Variants in PLIN2 observed in about 807,000 individuals in gnomAD.
The protein encoded by PLIN2 is perilipin-2.
In PLIN2, 33 loss-of-function variants were observed where a neutral mutation model predicts 30.6. That is an observed-to-expected ratio of 1.08 (90% CI 0.82 to 1.44). The LOEUF (loss-of-function observed/expected upper bound fraction) is 1.44, where lower values mean the gene tolerates loss of function less well. Ranked by LOEUF, PLIN2 falls within the 40% of genes most tolerant of loss-of-function variation. PLIN2 has a pLI of 0.00. For missense variants in PLIN2, 610 were observed against 531.8 expected (o/e 1.15, Z -1.45); for synonymous variants, 205 against 201.1 (o/e 1.02, Z -0.16).
At chr9:19,115,269 TA>T (rs1430951516), downstream of PLIN2, among the ~76,000 whole-genome samples, 12 of 152,054 alleles carry the variant, frequency 7.9e-5, no homozygotes, top group Non-Finnish European at 1.5e-4. Context: ...TCAAGCATCC[TA>T]TTTTTTTTTA....
At position 19,110,068 on chromosome 9, in the gene PLIN2, G is replaced by T. The variant is rs938970486; in HGVS notation, n.418-1321C>A. On this transcript the variant is annotated intron_variant and non_coding_transcript_variant, in intron 2 of 2. Transcript: ENST00000464326. The stretch of plus-strand genomic sequence containing the variant: ...AGATGGAGTTTCACTCTCTCCCCCA[G>T]GTTGGAGTGCAGTGGCGTAATCTCA... 2.0e-5 allele frequency among the ~76,000 whole-genome samples: 3 copies of T among 152,134 alleles called. No homozygotes were observed. The East Asian group carries it at 5.8e-4, about 29-fold the overall frequency.
chr9:19,125,947 A>C, intron 3 of PLIN2, 167 bp downstream of exon 3: 1 of 560,288 alleles, frequency 1.8e-6, no homozygotes, highest in African/African-American at 1.9e-5. Context: ...AGGAAAGAAA[A>C]GAAAAGAAAC....
chr9:19,113,034 G>C (rs1008735530), downstream of PLIN2, among the ~76,000 whole-genome samples: 5 of 151,958 alleles, frequency 3.3e-5, no homozygotes, highest in East Asian at 7.8e-4. Flanking sequence ...ACACAAAGGT[G>C]TATGTTCAGG....
At chr9:19,119,519 C>A in intron 6 of PLIN2, 131 bp downstream of exon 6, 1 of 596,932 alleles carries the variant, frequency 1.7e-6, no homozygotes, top group East Asian at 2.7e-5. Flanking sequence ...TCTCCATATT[C>A]TTTGTCCAGT....
chr9:19,115,193 G>C (rs1325482502), downstream of PLIN2, among the ~76,000 whole-genome samples: 1 of 152,118 alleles, frequency 6.6e-6, no homozygotes, highest in African/African-American at 2.4e-5. Context: ...CAAACAAAGA[G>C]GGCCAACTGT....
chr9:19,118,788 C>T (rs1042194212), intron 6 of PLIN2, among the ~76,000 whole-genome samples: 3 of 152,192 alleles, frequency 2.0e-5, no homozygotes, highest in South Asian at 2.1e-4. Context: ...TCACAGCTCA[C>T]TGAACCTCCT....
At chr9:19,109,382 G>A (rs1383053973) in intron 2 of PLIN2, among the ~76,000 whole-genome samples, 2 of 151,108 alleles carry the variant, frequency 1.3e-5, no homozygotes, top group Non-Finnish European at 2.9e-5. Context: ...GTGGAACGCT[G>A]TCTCTACTAA....
intron 2 of PLIN2, among the ~76,000 whole-genome samples, chr9:19,109,370 C>T (rs1331264330): frequency 5.3e-5 from 8 of 151,150 alleles, no homozygotes; most frequent in East Asian, 2.0e-4. Flanking sequence ...CTGGCTAACA[C>T]GGTGGAACGC....
chr9:19,121,104 G>C lies in PLIN2; in HGVS notation c.371C>G (p.Thr124Ser), dbSNP rs780606166. Residue 124 changes from threonine to serine, a missense_variant, in exon 5 of 8, where the codon ACT becomes AGT. Coordinates refer to ENST00000276914, the MANE Select transcript of PLIN2 (RefSeq NM_001122.4). Reference sequence around the variant, plus strand: ...GCTGGCCACAGAATCCTTGGCCCCAGTCACAGTAGTCGTCACAGCATCTTT... The same window carrying C: ...GCTGGCCACAGAATCCTTGGCCCCACTCACAGTAGTCGTCACAGCATCTTT... The part of the protein sequence containing the change: ...GAKDAVTTTV[T>S]GAKDSVASTI... 1.2e-6 allele frequency: 2 copies of C among 1,614,156 alleles called. No individual in the cohort carries two copies. Among genetic ancestry groups the C allele is most frequent in the Non-Finnish European group, 1.7e-6 (2 of 1,180,010 alleles).
chr9:19,122,926 T>C (rs1000303662), intron 4 of PLIN2, among the ~76,000 whole-genome samples: 1 of 152,198 alleles, frequency 6.6e-6, no homozygotes, highest in East Asian at 1.9e-4. Flanking sequence ...CCATCTAGGT[T>C]GGTGTGAGTA....
intron 3 of PLIN2, 25 bp from the exon 4 acceptor site, chr9:19,123,672 T>G: frequency 6.3e-7 from 1 of 1,579,176 alleles, no homozygotes. Flanking sequence ...GGGAAAATGT[T>G]AATGTAGTAC....
downstream of PLIN2, among the ~76,000 whole-genome samples, chr9:19,112,301 C>T (rs1001367557): frequency 2.0e-5 from 3 of 152,184 alleles, no homozygotes; most frequent in African/African-American, 7.2e-5. Flanking sequence ...GCCATGGTTA[C>T]ATACTATGTT....
downstream of PLIN2, among the ~76,000 whole-genome samples, chr9:19,115,361 G>A (rs924354617): frequency 4.7e-5 from 7 of 148,238 alleles, no homozygotes; most frequent in South Asian, 8.5e-4. Flanking sequence ...AGGCCAGAGC[G>A]CAGTGGCGCT....
Position 19,126,236 on chromosome 9 carries a change from C to G in PLIN2, c.104G>C (p.Ser35Thr). The G allele has an allele frequency of 1.9e-6, 3 of 1,614,094 alleles. No individual in the cohort carries two copies. Among genetic ancestry groups the G allele is most frequent in the Non-Finnish European group, 1.7e-6 (2 of 1,179,992 alleles). Residue 35 changes from serine to threonine, a missense_variant, in exon 3 of 8, where the codon AGT becomes ACT. Transcript: ENST00000276914. ...CAGGTAGGGATACTGGTCCTTTGTA[C>G]TGAGATAGGCTGAGGACATGAGGTC... is the stretch of plus-strand genomic sequence containing the variant. Reference protein sequence around the residue: ...TYDLMSSAYLSTKDQYPYLKS... With the variant: ...TYDLMSSAYLTTKDQYPYLKS...
chr9:19,113,811 G>A (rs961800729), downstream of PLIN2, among the ~76,000 whole-genome samples: 4 of 145,932 alleles, frequency 2.7e-5, no homozygotes, highest in Admixed American at 2.8e-4. Context: ...TCGCCCTGTC[G>A]CTGGACAGGC....
chr9:19,120,164 T>A (rs1818292406), intron 5 of PLIN2, among the ~76,000 whole-genome samples: 1 of 151,894 alleles, frequency 6.6e-6, no homozygotes, highest in African/African-American at 2.4e-5. Flanking sequence ...GCTCAACTGA[T>A]CCTCTCACCT....
In PLIN2 at chr9:19,126,300, T is replaced by A. The variant is rs752904982; in HGVS notation, c.40A>T (p.Thr14Ser). ...ACCAAGGGCAGGTTGACCACCCGAG[T>A]CACCACACTCTGCAATCAAAGTAGG... is the stretch of plus-strand genomic sequence containing the variant. ...VAVDPQPSVVTRVVNLPLVSS... is the reference protein window; with the variant it reads ...VAVDPQPSVVSRVVNLPLVSS... Residue 14 changes from threonine (T) to serine (S), a missense_variant, in exon 3 of 8, where the codon ACT (threonine) becomes TCT (serine). Coordinates refer to ENST00000276914, the MANE Select transcript of PLIN2 (RefSeq NM_001122.4). 6.2e-7 allele frequency: 1 copy of A among 1,613,650 alleles called. No homozygotes were observed. Among genetic ancestry groups the A allele is most frequent in the South Asian group, 1.1e-5 (1 of 91,054 alleles).
intron 2 of PLIN2, among the ~76,000 whole-genome samples, chr9:19,109,964 A>G (rs976581279): frequency 1.1e-4 from 17 of 151,942 alleles, no homozygotes; most frequent in African/African-American, 3.6e-4. Context: ...TACAGGAAAA[A>G]AAAAAAAATC....
downstream of PLIN2, among the ~76,000 whole-genome samples, chr9:19,113,746 G>C (rs945057561): frequency 6.7e-6 from 1 of 149,078 alleles, no homozygotes; most frequent in African/African-American, 2.5e-5. Context: ...GCTAATTTTT[G>C]TGGGGTTTTT....
Sources: gnomAD v4.1 joint callset for allele counts (sites outside exome capture counted in the v4.1 genomes callset) on GRCh38, gnomAD v4.1.1 for gene constraint, MANE v1.5 for transcripts, NCBI Gene and HGNC (gene_info 2026-07-23, HGNC 2026-07-21) for gene names.